The following ZC3H3 variants were observed in gnomAD, a reference collection of about 807,000 sequenced individuals.
ZC3H3 encodes the protein zinc finger CCCH-type containing 3, also known as zinc finger CCCH domain-containing protein 3.
ZC3H3 carries 36 observed loss-of-function variants against 77.3 expected under a neutral mutation model. That is an observed-to-expected ratio of 0.47 (90% CI 0.36 to 0.61). ZC3H3 has a LOEUF of 0.61. Among genes scored for constraint, ZC3H3 ranks in the 20% least tolerant of loss-of-function variants. ZC3H3 has a pLI of 0.00. For missense variants in ZC3H3, 1,331 were observed against 1,312.2 expected (o/e 1.01, Z -0.22); for synonymous variants, 626 against 555.2 (o/e 1.13, Z -1.79).
At chr8:143,517,212 A>G (rs945433957) in intron 3 of ZC3H3, among the ~76,000 whole-genome samples, 5 of 152,196 alleles carry the variant, frequency 3.3e-5, no homozygotes, top group Admixed American at 6.5e-5. Flanking sequence ...AAATGGGAAT[A>G]GTTTGCTCCG....
At chr8:143,504,736 C>A (rs1225367903) in intron 4 of ZC3H3, among the ~76,000 whole-genome samples, 3 of 152,104 alleles carry the variant, frequency 2.0e-5, no homozygotes, top group Non-Finnish European at 4.4e-5. Context: ...CACACACAGA[C>A]CCCCAGGGCC....
chr8:143,461,457 G>A (rs964477272), intron 9 of ZC3H3, among the ~76,000 whole-genome samples: 18 of 152,286 alleles, frequency 1.2e-4, no homozygotes, highest in South Asian at 2.1e-4. Flanking sequence ...AACCTAGAGT[G>A]ACCCTGTAGC....
At chr8:143,478,548 G>C (rs949013242) in intron 4 of ZC3H3, among the ~76,000 whole-genome samples, 14 of 152,184 alleles carry the variant, frequency 9.2e-5, no homozygotes, top group Admixed American at 1.3e-4. Flanking sequence ...TTGCTCTTGT[G>C]ACCCAGGCTA....
At chr8:143,472,829 G>A (rs757261602) in intron 5 of ZC3H3, among the ~76,000 whole-genome samples, 8 of 152,196 alleles carry the variant, frequency 5.3e-5, no homozygotes, top group Non-Finnish European at 8.8e-5. Context: ...GACGCACCGC[G>A]ACCTGGGTGA....
chr8:143,478,292 G>A (rs1057397508), intron 4 of ZC3H3, among the ~76,000 whole-genome samples: 9 of 152,214 alleles, frequency 5.9e-5, no homozygotes, highest in Non-Finnish European at 1.0e-4. Flanking sequence ...CGGATGGAGG[G>A]CGAGGCCCGG....
intron 9 of ZC3H3, among the ~76,000 whole-genome samples, chr8:143,461,491 C>G (rs1820260662): frequency 6.6e-6 from 1 of 152,152 alleles, no homozygotes; most frequent in Non-Finnish European, 1.5e-5. Context: ...TATGGCCCTG[C>G]AATTCCACTC....
chr8:143,521,356 AC>A (rs900103285), intron 3 of ZC3H3, among the ~76,000 whole-genome samples: 4 of 138,828 alleles, frequency 2.9e-5, no homozygotes, highest in Non-Finnish European at 6.6e-5. Flanking sequence ...ACCCACTGGT[AC>A]CCCCTCCCAG....
chr8:143,493,510 G>T lies in ZC3H3; in HGVS notation c.1715+14236C>A, dbSNP rs1340712957. On this transcript the variant is annotated intron_variant, in intron 4 of 11. Coordinates refer to ENST00000262577, the MANE Select transcript of ZC3H3 (RefSeq NM_015117.3). This position sits in a 1 kb window ranked among gnomAD's most constrained non-coding sequence, Gnocchi z 4.8. ...GAAGGTGGAAGGTATGCAGGCTCGGGGGGATGCCAGCTCAGCCCTGCTGCC... is the reference window on the plus strand; with the variant it reads ...GAAGGTGGAAGGTATGCAGGCTCGGTGGGATGCCAGCTCAGCCCTGCTGCC... Among the ~76,000 whole-genome samples the T allele has an allele frequency of 6.6e-6, 1 of 152,188 alleles. No homozygotes were observed. The highest frequency in any genetic ancestry group is 1.9e-4 in the East Asian group (1 of 5,192).
intron 4 of ZC3H3, among the ~76,000 whole-genome samples, chr8:143,491,470 G>A (rs1344565749): frequency 6.6e-5 from 10 of 152,252 alleles, no homozygotes; most frequent in African/African-American, 2.4e-4. Flanking sequence ...GCCTGGGCGA[G>A]GCTCACACCC....
chr8:143,458,200 C>A (rs1349394819), intron 9 of ZC3H3, among the ~76,000 whole-genome samples: 1 of 152,218 alleles, frequency 6.6e-6, no homozygotes, highest in Non-Finnish European at 1.5e-5. Flanking sequence ...ATACTTCAAA[C>A]AATTATACAC....
Position 143,440,299 on chromosome 8 carries a change from C to A in ZC3H3, c.2557G>T (p.Ala853Ser), listed in dbSNP as rs1819705806. ...TPSSAALTAA[A>S]VAAPPHCPGG... ...GGGCAGTGGGGAGGTGCAGCCACGG[C>A]AGCCGCAGTGAGGGCAGCCGAGCTG... is the stretch of plus-strand genomic sequence containing the variant. The change falls in exon 11 of 12, where the codon GCC (alanine) becomes TCC (serine). Residue 853 changes from alanine to serine, a missense_variant. Physicochemically the swap from Ala to Ser is moderately conservative, Grantham distance 99 (BLOSUM62 1). This residue lies in a region of ZC3H3 where 249 missense variants were observed against 236.9 expected (regional missense o/e 1.05). Transcript: ENST00000262577. 6.4e-7 allele frequency: 1 copy of A among 1,566,314 alleles called. No homozygotes were observed. Among genetic ancestry groups the A allele is most frequent in the African/African-American group, 1.3e-5 (1 of 74,398 alleles).
chr8:143,474,885 TGTCGAGGC>T (rs1367293310), intron 5 of ZC3H3, among the ~76,000 whole-genome samples: 17 of 152,200 alleles, frequency 1.1e-4, no homozygotes, highest in African/African-American at 3.6e-4. Context: ...CAGACACAGT[TGTCGAGGC>T]GTCGCCAATG....
At chr8:143,473,308 T>TC (rs1433671568) in intron 5 of ZC3H3, among the ~76,000 whole-genome samples, 5 of 152,114 alleles carry the variant, frequency 3.3e-5, no homozygotes, top group African/African-American at 1.2e-4. Context: ...TCTTGCTGCT[T>TC]CTGTCCCTTC....
intron 3 of ZC3H3, among the ~76,000 whole-genome samples, chr8:143,526,786 C>G (rs1027642599): frequency 6.6e-6 from 1 of 152,168 alleles, no homozygotes. Context: ...CATTCGTCCC[C>G]AGCTGGAAAG....
intron 4 of ZC3H3, among the ~76,000 whole-genome samples, chr8:143,502,790 C>G (rs1821564723): frequency 6.6e-6 from 1 of 152,220 alleles, no homozygotes; most frequent in African/African-American, 2.4e-5. Context: ...ATTAAATCCC[C>G]TCAGCAGAGC....
At chr8:143,497,118 G>A (rs1294101211) in intron 4 of ZC3H3, among the ~76,000 whole-genome samples, 3 of 152,234 alleles carry the variant, frequency 2.0e-5, no homozygotes, top group Admixed American at 6.5e-5. Context: ...GAAGTCCTGG[G>A]TGGTATTTTT....
Position 143,440,261 on chromosome 8 carries a change from G to A in ZC3H3, c.2595C>T (p.Ala865=). Residue 865 remains alanine (A), a synonymous_variant, in exon 11 of 12, where the codon GCC becomes GCT. Transcript: ENST00000262577. ...AGGAAGCCTTCGAGGATGAGGGAGAGGCTGACCCCCCTGGGCAGTGGGGAG... is the reference window on the plus strand; with the variant it reads ...AGGAAGCCTTCGAGGATGAGGGAGAAGCTGACCCCCCTGGGCAGTGGGGAG... The part of the protein sequence containing the change: ...AAPPHCPGGS[A]SPSSSKASSS... The A allele has an allele frequency of 6.3e-7, 1 of 1,593,544 alleles. No homozygotes were observed. The highest frequency in any genetic ancestry group is 8.5e-7 in the Non-Finnish European group (1 of 1,171,366).
rs368206928 is a variant in ZC3H3, at chr8:143,475,659, C to A, written c.1716-74G>T. 8.2e-6 allele frequency: 12 copies of A among 1,464,362 alleles called. 1 individual carries two copies. The Middle Eastern group carries it at 9.6e-4, about 117-fold the overall frequency. 90.7% of individuals were successfully genotyped at this position (1,464,362 alleles called of 1,614,324 possible). A position where few individuals can be genotyped will look rare whatever the true frequency, so the allele number is the denominator to read the frequency against. ...AGCTCTGATGGTCAGTGCCAGGGGC[C>A]GAGCCCAGGCCTGGCCTCCCAAGGG... On this transcript the variant is annotated intron_variant, in intron 4 of 11. Transcript: ENST00000262577.
chr8:143,513,408 C>G (rs1325704919), intron 3 of ZC3H3, among the ~76,000 whole-genome samples: 1 of 152,176 alleles, frequency 6.6e-6, no homozygotes, highest in African/African-American at 2.4e-5. Flanking sequence ...TCCTGCAGCT[C>G]GCAGGTGATC....
Sources: allele counts gnomAD v4.1 joint callset (sites outside exome capture counted in the v4.1 genomes callset), GRCh38; gene constraint gnomAD v4.1.1; regional missense constraint gnomAD v4.1.1; non-coding constraint Gnocchi (gnomAD v3.1); transcripts MANE v1.5; gene names NCBI Gene and HGNC (gene_info 2026-07-23, HGNC 2026-07-21).